ZNRF3: variants seen among roughly 807,000 people sequenced by gnomAD.
ZNRF3 encodes the protein E3 ubiquitin-protein ligase ZNRF3.
In ZNRF3, 23 loss-of-function variants were observed where a neutral mutation model predicts 72.5. The ratio of observed to expected loss-of-function variants is 0.32; its 90% CI spans 0.23 to 0.45. The LOEUF is 0.45. Among genes scored for constraint, ZNRF3 ranks in the 20% least tolerant of loss-of-function variants. The pLI is 1.00. For synonymous variants in ZNRF3, 610 were observed against 545.3 expected (o/e 1.12, Z -1.65); for missense variants, 1,169 against 1,272.1 (o/e 0.92, Z 1.23).
chr22:29,023,562 T>A (rs1449078323), intron 2 of ZNRF3, among the ~76,000 whole-genome samples: 1 of 152,162 alleles, frequency 6.6e-6, no homozygotes, highest in South Asian at 2.1e-4. Flanking sequence ...CTCCCAGGCA[T>A]GGAGAAGCAG....
chr22:28,929,382 T>C (rs2034665575), intron 1 of ZNRF3, among the ~76,000 whole-genome samples: 1 of 152,154 alleles, frequency 6.6e-6, no homozygotes, highest in Admixed American at 6.5e-5. Context: ...CGTTGTAGGA[T>C]ATCGAGCCAC....
chr22:29,019,547 T>C (rs910111270), intron 2 of ZNRF3, among the ~76,000 whole-genome samples: 5 of 152,212 alleles, frequency 3.3e-5, no homozygotes, highest in South Asian at 2.1e-4. Context: ...AAGCGATTAC[T>C]AAAGAAATTG....
At chr22:28,974,900 G>T (rs1366732439) in intron 1 of ZNRF3, among the ~76,000 whole-genome samples, 1 of 152,186 alleles carries the variant, frequency 6.6e-6, no homozygotes, top group African/African-American at 2.4e-5. Context: ...GCCTCCCAAA[G>T]TGCTGAGATT....
chr22:28,974,936 G>C (rs2035642976), intron 1 of ZNRF3, among the ~76,000 whole-genome samples: 1 of 152,132 alleles, frequency 6.6e-6, no homozygotes, highest in Non-Finnish European at 1.5e-5. Flanking sequence ...TTTTAAATCT[G>C]TACATTAATT....
chr22:28,947,599 C>T lies in ZNRF3; in HGVS notation c.301-39477C>T, dbSNP rs186189915. On this transcript the variant is annotated intron_variant, in intron 1 of 8. Coordinates refer to ENST00000544604, the MANE Select transcript of ZNRF3 (RefSeq NM_001206998.2). ...TATCTCATTGTGGTTTTGGTTTGCA[C>T]TTCCCTCATGCCTAATGACGTTGAG... 9.7e-4 allele frequency among the ~76,000 whole-genome samples: 148 copies of T among 152,262 alleles called. 1 individual carries two copies. Among genetic ancestry groups the T allele is most frequent in the African/African-American group, 3.2e-3 (133 of 41,560 alleles).
chr22:28,975,031 A>G (rs189590151), intron 1 of ZNRF3, among the ~76,000 whole-genome samples: 2 of 152,294 alleles, frequency 1.3e-5, no homozygotes, highest in South Asian at 2.1e-4. Flanking sequence ...AATTATGCAC[A>G]TTGTTTTTAT....
rs377603629 is a variant in ZNRF3, at chr22:29,049,658, C to T, written c.1477C>T (p.Arg493Trp). 8.6e-5 allele frequency: 139 copies of T among 1,609,324 alleles called. No homozygotes were observed. The highest frequency in any genetic ancestry group is 1.2e-4 in the Non-Finnish European group (136 of 1,179,418). Residue 493 changes from arginine (R) to tryptophan (W), a missense_variant, in exon 8 of 9, where the codon CGG (arginine) becomes TGG (tryptophan). Coordinates refer to ENST00000544604, the MANE Select transcript of ZNRF3 (RefSeq NM_001206998.2). This position sits in a 1 kb window ranked among gnomAD's most constrained non-coding sequence, Gnocchi z 5.2. The part of the protein sequence containing the change: ...EGQSPPSLAP[R>W]GPARAFPPSG... ...GCAGTCCCCACCTAGCCTCGCACCC[C>T]GGGGCCCGGCCCGTGCCTTTCCTCC...
intron 1 of ZNRF3, among the ~76,000 whole-genome samples, chr22:28,961,681 T>C (rs1213470068): frequency 6.6e-6 from 1 of 152,230 alleles, no homozygotes; most frequent in African/African-American, 2.4e-5. Flanking sequence ...AAAGGGCAGA[T>C]GGTTAAATCT....
At chr22:29,022,200 T>C (rs527762562) in intron 2 of ZNRF3, among the ~76,000 whole-genome samples, 16 of 152,382 alleles carry the variant, frequency 1.0e-4, no homozygotes, top group African/African-American at 3.6e-4. Flanking sequence ...TTTTTATTAC[T>C]TTTTAAGAAA....
intron 2 of ZNRF3, among the ~76,000 whole-genome samples, chr22:29,020,262 TTTTTTTTTTTTC>T (rs2036508761): frequency 7.4e-6 from 1 of 135,816 alleles, no homozygotes; most frequent in African/African-American, 2.6e-5. Flanking sequence ...TTTTTTTTTT[TTTTTTTTTTTTC>T]CCCCAAGACA....
rs2035793331 is a variant in ZNRF3, at chr22:28,982,983, A to AG, written c.301-4090dup. The stretch of plus-strand genomic sequence containing the variant: ...AACTGGAATAAGGAGCTCAGGAGAG[A>AG]GGGAACTTAGGGTGGAAGTGGGAAG... On this transcript the variant is annotated intron_variant, in intron 1 of 8. Transcript: ENST00000544604. Among the ~76,000 whole-genome samples the AG allele has an allele frequency of 2.6e-5, 4 of 152,294 alleles. No homozygotes were observed. The South Asian group carries it at 8.3e-4, about 32-fold the overall frequency.
chr22:28,888,844 G>A (rs959998318), intron 1 of ZNRF3, among the ~76,000 whole-genome samples: 3 of 152,050 alleles, frequency 2.0e-5, no homozygotes, highest in Admixed American at 6.5e-5. Flanking sequence ...CTGGCCGGGC[G>A]CGGTGGCTCA....
intron 1 of ZNRF3, among the ~76,000 whole-genome samples, chr22:28,980,779 A>T (rs960853937): frequency 2.0e-5 from 3 of 152,176 alleles, no homozygotes; most frequent in Non-Finnish European, 4.4e-5. Flanking sequence ...TCTCATTTCA[A>T]GCCATCCTTC....
intron 1 of ZNRF3, among the ~76,000 whole-genome samples, chr22:28,893,379 T>C (rs1449649104): frequency 6.6e-6 from 1 of 152,204 alleles, no homozygotes; most frequent in Non-Finnish European, 1.5e-5. Flanking sequence ...ACCCGTGGTA[T>C]AATTTGTGCT....
In ZNRF3 at chr22:29,050,340, C is replaced by T; in HGVS notation, c.2159C>T (p.Pro720Leu). The change falls in exon 8 of 9, where the codon CCA becomes CTA. Residue 720 changes from proline (P) to leucine (L), a missense_variant. Physicochemically the swap from Pro to Leu is moderately conservative, Grantham distance 98 (BLOSUM62 -3). This residue lies in a region of ZNRF3 where 783 missense variants were observed against 731.4 expected (regional missense o/e 1.07). Transcript: ENST00000544604. ...TGCTGCTGCGAGCCCCAGCCCTCCC[C>T]AGCCGGGCCTAGCGCCGGAGCAGCT... Reference protein sequence around the residue: ...CACCCEPQPSPAGPSAGAAGS... With the variant: ...CACCCEPQPSLAGPSAGAAGS... 1 of 1,602,394 alleles carries T rather than the reference C, an allele frequency of 6.2e-7. No individual in the cohort carries two copies.
intron 5 of ZNRF3, 148 bp from the exon 6 acceptor site, chr22:29,046,568 G>C: frequency 1.2e-6 from 1 of 824,002 alleles, no homozygotes; most frequent in Non-Finnish European, 1.8e-6. Flanking sequence ...TGCTATGGCA[G>C]TCTGAGTTCT....
At chr22:28,973,980 C>T (rs148083565) in intron 1 of ZNRF3, among the ~76,000 whole-genome samples, 203 of 114,906 alleles carry the variant, frequency 1.8e-3, no homozygotes, top group Middle Eastern at 0.017. Flanking sequence ...TTTTTTGAGA[C>T]GGAGTCTCGC....
At chr22:28,923,704 G>A (rs984360596) in intron 1 of ZNRF3, among the ~76,000 whole-genome samples, 10 of 152,052 alleles carry the variant, frequency 6.6e-5, no homozygotes, top group East Asian at 1.9e-4. Context: ...TTCCCTGCCC[G>A]TAAATATTTC....
In ZNRF3 at chr22:28,901,287, G is replaced by A. The variant is rs540743803; in HGVS notation, c.300+17221G>A. On this transcript the variant is annotated intron_variant, in intron 1 of 8. Transcript: ENST00000544604. ...ATCTAGGATGAGCACAGATGTGAAC[G>A]GCACCTCCTAGAGTTGTGCGGTGCA... 8.2e-4 allele frequency among the ~76,000 whole-genome samples: 124 copies of A among 152,054 alleles called. No individual in the cohort carries two copies. In the Middle Eastern group the frequency reaches 0.031, roughly 38 times the overall value.
Sources: allele counts gnomAD v4.1 joint callset (sites outside exome capture counted in the v4.1 genomes callset), GRCh38; gene constraint gnomAD v4.1.1; regional missense constraint gnomAD v4.1.1; non-coding constraint Gnocchi (gnomAD v3.1); transcripts MANE v1.5; gene names NCBI Gene and HGNC (gene_info 2026-07-23, HGNC 2026-07-21).